The following SHANK2 variants were observed in gnomAD, a reference collection of about 807,000 sequenced individuals.
SHANK2 encodes the protein SH3 and multiple ankyrin repeat domains protein 2.
A neutral mutation model predicts 133.7 loss-of-function variants in SHANK2; 43 were observed. The observed-to-expected ratio is 0.32, with a 90% CI of 0.25 to 0.41. The LOEUF (loss-of-function observed/expected upper bound fraction) is 0.41, where lower values mean the gene tolerates loss of function less well. SHANK2 is among the 10% of genes least tolerant of loss of function. SHANK2 has a pLI of 1.00. For synonymous variants in SHANK2, 1,017 were observed against 952.8 expected (o/e 1.07, Z -1.24); for missense variants, 1,994 against 2,235.8 (o/e 0.89, Z 2.18).
At chr11:70,688,996 G>A (rs1388274611) in intron 15 of SHANK2, among the ~76,000 whole-genome samples, 2 of 152,228 alleles carry the variant, frequency 1.3e-5, no homozygotes, top group Non-Finnish European at 1.5e-5. Context: ...GTGGGGCCAG[G>A]AGCATGTCTC....
chr11:70,820,254 G>A (rs1948487304), intron 12 of SHANK2, 110 bp downstream of exon 12: 1 of 577,766 alleles, frequency 1.7e-6, no homozygotes, highest in Non-Finnish European at 3.1e-6. Context: ...CAACATCTGG[G>A]TTGGAATAAA....
At chr11:70,734,231 G>C (rs1356158963) in intron 14 of SHANK2, among the ~76,000 whole-genome samples, 2 of 152,210 alleles carry the variant, frequency 1.3e-5, no homozygotes, top group African/African-American at 2.4e-5. Flanking sequence ...CGTGACGGGG[G>C]AACTGGCTAT....
chr11:71,252,931 C>G (rs1555126127), upstream of SHANK2, among the ~76,000 whole-genome samples: 1 of 152,238 alleles, frequency 6.6e-6, no homozygotes, highest in Non-Finnish European at 1.5e-5. This position sits in a 1 kb window ranked among gnomAD's most constrained non-coding sequence, Gnocchi z 6.3. Context: ...ACGGTTATCC[C>G]GAACGCAGCT....
chr11:70,845,213 A>AG (rs1565356915), intron 11 of SHANK2, among the ~76,000 whole-genome samples: 22 of 144,074 alleles, frequency 1.5e-4, no homozygotes, highest in African/African-American at 6.4e-4. Context: ...AAAAAAAAAA[A>AG]AAAAAAGAAA....
chr11:70,801,836 C>A (rs1948053123), intron 13 of SHANK2, among the ~76,000 whole-genome samples: 1 of 152,250 alleles, frequency 6.6e-6, no homozygotes, highest in South Asian at 2.1e-4. Context: ...AGTCTGGAGT[C>A]CTGCCTTGCT....
At chr11:71,181,666 G>A (rs1953559776) in intron 2 of SHANK2, among the ~76,000 whole-genome samples, 1 of 152,082 alleles carries the variant, frequency 6.6e-6, no homozygotes, top group Non-Finnish European at 1.5e-5. Flanking sequence ...TCATGGTGAA[G>A]CACTGCAATA....
At chr11:71,164,394 G>T (rs1264422646) in intron 2 of SHANK2, among the ~76,000 whole-genome samples, 1 of 152,198 alleles carries the variant, frequency 6.6e-6, no homozygotes, top group African/African-American at 2.4e-5. Context: ...ACAGAAGCAT[G>T]ACCGGGTTCT....
At chr11:71,097,694 G>T (rs1951643294) in intron 6 of SHANK2, among the ~76,000 whole-genome samples, 1 of 152,170 alleles carries the variant, frequency 6.6e-6, no homozygotes, top group Non-Finnish European at 1.5e-5. Context: ...CGCAGCAGGA[G>T]GGCACTAGCC....
intron 9 of SHANK2, among the ~76,000 whole-genome samples, chr11:71,057,518 G>T (rs1275395157): frequency 6.6e-6 from 1 of 152,180 alleles, no homozygotes; most frequent in Admixed American, 6.5e-5. Context: ...AAAGGAAAAG[G>T]ATTAGGGAGA....
At chr11:70,525,337 A>G (rs1316012508) in intron 17 of SHANK2, among the ~76,000 whole-genome samples, 2 of 152,132 alleles carry the variant, frequency 1.3e-5, no homozygotes, top group Non-Finnish European at 2.9e-5. Context: ...CCCCAGGCTC[A>G]CCCAAGGAAC....
At chr11:70,868,354 A>G (rs1477052293) in intron 11 of SHANK2, among the ~76,000 whole-genome samples, 1 of 152,208 alleles carries the variant, frequency 6.6e-6, no homozygotes, top group Non-Finnish European at 1.5e-5. Context: ...CAAGCTGGAT[A>G]AACTCCCAGG....
chr11:70,952,252 G>A (rs376789089), intron 10 of SHANK2, among the ~76,000 whole-genome samples: 2 of 152,196 alleles, frequency 1.3e-5, no homozygotes, highest in East Asian at 3.9e-4. Flanking sequence ...TCCTGGCCGA[G>A]GTCTTGTGCC....
chr11:70,844,901 C>G (rs1948972064), intron 11 of SHANK2, among the ~76,000 whole-genome samples: 1 of 152,048 alleles, frequency 6.6e-6, no homozygotes, highest in African/African-American at 2.4e-5. Context: ...CCAATTTCTT[C>G]TTATGAAAAT....
rs550145380 is a variant in SHANK2 at position 70,542,950 on chromosome 11, C to T, written c.2062-40019G>A. 2.4e-4 allele frequency among the ~76,000 whole-genome samples: 36 copies of T among 152,278 alleles called. No individual in the cohort carries two copies. The Middle Eastern group carries it at 0.01, about 43-fold the overall frequency. ...GATCTCAGCAGGAAGGGGGCCCCCC[C>T]GGGACCGCTGACCAATCCCACAAAT... On this transcript the variant is annotated intron_variant, in intron 17 of 25. Transcript: ENST00000601538.
chr11:70,801,486 GC>G (rs1948046645), intron 13 of SHANK2, among the ~76,000 whole-genome samples: 1 of 152,210 alleles, frequency 6.6e-6, no homozygotes, highest in Non-Finnish European at 1.5e-5. Flanking sequence ...TGCCTTGAGT[GC>G]CTCCCTGACA....
At position 70,600,418 on chromosome 11, in the gene SHANK2, C is replaced by CAAA. The variant is rs56103044; in HGVS notation, c.2061+59407_2061+59409dup. ...TGGGTGACAGAGCAGGACTCTGTCT[C>CAAA]AAAAAAAAAAAAAAAAAAAGAAAAG... On this transcript the variant is annotated intron_variant, in intron 17 of 25. Coordinates refer to ENST00000601538, the MANE Select transcript of SHANK2 (RefSeq NM_012309.5). Among the ~76,000 whole-genome samples the CAAA allele has an allele frequency of 2.4e-3, 226 of 95,412 alleles. 3 individuals are homozygous for CAAA. Among genetic ancestry groups the CAAA allele is most frequent in the Middle Eastern group, 0.011 (2 of 178 alleles). The allele number at this position is 95,412 out of a possible 152,430, so 62.6% of individuals were successfully genotyped here.
At chr11:70,591,451 A>G (rs575908314) in intron 17 of SHANK2, among the ~76,000 whole-genome samples, 1 of 152,314 alleles carries the variant, frequency 6.6e-6, no homozygotes, top group Non-Finnish European at 1.5e-5. Flanking sequence ...CCACAGAGCC[A>G]ATCTGTGCAG....
At chr11:71,153,242 C>T (rs1274672370) in intron 2 of SHANK2, among the ~76,000 whole-genome samples, 31 of 149,012 alleles carry the variant, frequency 2.1e-4, no homozygotes, top group Admixed American at 4.8e-4. Flanking sequence ...GGGAAGGTTA[C>T]TCACCACCCC....
intron 4 of SHANK2, 72 bp downstream of exon 4, chr11:71,118,754 CCAT>C (rs1268231402): frequency 7.5e-5 from 97 of 1,301,408 alleles, no homozygotes; most frequent in Non-Finnish European, 9.2e-5. Context: ...CGCCCCACCA[CCAT>C]GTCTCCCCCA....
Sources: allele counts gnomAD v4.1 joint callset (sites outside exome capture counted in the v4.1 genomes callset), GRCh38; gene constraint gnomAD v4.1.1; non-coding constraint Gnocchi (gnomAD v3.1); transcripts MANE v1.5; gene names NCBI Gene and HGNC (gene_info 2026-07-23, HGNC 2026-07-21).